EDEM3: variants seen among roughly 807,000 people sequenced by gnomAD.
EDEM3 encodes ER degradation-enhancing alpha-mannosidase-like protein 3.
A neutral mutation model predicts 110.2 loss-of-function variants in EDEM3; 60 were observed. That is an observed-to-expected ratio of 0.54 (90% CI 0.44 to 0.67). EDEM3 has a LOEUF of 0.67. EDEM3 is among the 30% of genes least tolerant of loss of function. The pLI is 0.00. For synonymous variants in EDEM3, 352 were observed against 382.9 expected, an observed-to-expected ratio of 0.92 and a Z score of 0.94; for missense variants, 996 against 1,121.0, an observed-to-expected ratio of 0.89 and a Z score of 1.59.
At chr1:184,735,817 A>G (rs1236280538) in intron 4 of EDEM3, among the ~76,000 whole-genome samples, 1 of 151,714 alleles carries the variant, frequency 6.6e-6, no homozygotes, top group Non-Finnish European at 1.5e-5. Context: ...CACTATCCCC[A>G]CCCTCCATAC....
chr1:184,721,288 C>T lies in EDEM3; in HGVS notation c.951+1G>A, dbSNP rs1439798811. On this transcript the variant is annotated splice_donor_variant, in intron 9 of 19. Coordinates refer to ENST00000318130, the MANE Select transcript of EDEM3 (RefSeq NM_025191.4). LOFTEE classifies it high-confidence loss of function. ...TAAAATATAAAATTGTATCAACTTA[C>T]TGTGTTAAATCTTTCCAGAAAACTG... 1 of 1,592,442 alleles carries T rather than the reference C, an allele frequency of 6.3e-7. No homozygotes were observed.
At chr1:184,701,545 C>T (rs1284307887) in intron 19 of EDEM3, 1 of 1,280,134 alleles carries the variant, frequency 7.8e-7, no homozygotes, top group Admixed American at 2.4e-5. Flanking sequence ...AATATTGCTG[C>T]TGAAATTCCA....
intron 9 of EDEM3, 57 bp from the exon 10 acceptor site, chr1:184,719,625 A>G (rs976342783): frequency 8.3e-6 from 13 of 1,564,900 alleles, no homozygotes; most frequent in Middle Eastern, 1.7e-4. Flanking sequence ...GTACTACTCT[A>G]AACACATTAA....
At chr1:184,700,979 A>G (rs1479758578) in intron 19 of EDEM3, among the ~76,000 whole-genome samples, 1 of 152,054 alleles carries the variant, frequency 6.6e-6, no homozygotes, top group East Asian at 1.9e-4. Flanking sequence ...TATAGACTAA[A>G]GTTTTCAAAA....
Position 184,710,149 on chromosome 1 carries a change from A to G in EDEM3, c.1845+245T>C, listed in dbSNP as rs139049818. ...CAGAAAACTTAGATTTGAGTCCTGC[A>G]TTTGATTATATTAACTTCAGCAAAT... On this transcript the variant is annotated intron_variant, in intron 16 of 19. Transcript: ENST00000318130. Among the ~76,000 whole-genome samples, 430 of 152,300 alleles carry G rather than the reference A, an allele frequency of 2.8e-3. 5 individuals carry two copies. In the East Asian group the frequency reaches 0.035, roughly 12 times the overall value.
At chr1:184,696,070 T>G (rs1219436192) in intron 19 of EDEM3, among the ~76,000 whole-genome samples, 2 of 151,908 alleles carry the variant, frequency 1.3e-5, no homozygotes, top group Non-Finnish European at 2.9e-5. Flanking sequence ...GAAGCTTCTT[T>G]CCAAATGAAA....
intron 2 of EDEM3, 128 bp from the exon 3 acceptor site, chr1:184,737,839 G>A (rs944834963): frequency 1.3e-5 from 10 of 750,222 alleles, no homozygotes; most frequent in Middle Eastern, 4.0e-4. Flanking sequence ...TACACCCTGT[G>A]GAATCTTTTC....
chr1:184,754,815 A>G lies in EDEM3; in HGVS notation c.-169T>C, dbSNP rs759845223. ...TCCCGAAGCCACCAAGCCGGTCCCC[A>G]GCGCCAGCGCTGCCACCGCCCTCCG... On this transcript the variant is annotated 5_prime_UTR_variant, in exon 1 of 20. Coordinates refer to ENST00000318130, the MANE Select transcript of EDEM3 (RefSeq NM_025191.4). 1 of 1,138,942 alleles carries G rather than the reference A, an allele frequency of 8.8e-7. No individual in the cohort carries two copies. Among genetic ancestry groups the G allele is most frequent in the African/African-American group, 1.7e-5 (1 of 60,604 alleles). The allele number at this position is 1,138,942 out of a possible 1,614,324, so 70.6% of individuals were successfully genotyped here.
chr1:184,725,516 C>G (rs1196464730), intron 7 of EDEM3, among the ~76,000 whole-genome samples: 1 of 151,878 alleles, frequency 6.6e-6, no homozygotes, highest in Admixed American at 6.6e-5. Flanking sequence ...AACATACAGA[C>G]ATACATTCAA....
chr1:184,735,562 TTTG>T (rs1187751826), intron 4 of EDEM3, among the ~76,000 whole-genome samples: 1 of 152,224 alleles, frequency 6.6e-6, no homozygotes, highest in East Asian at 1.9e-4. Context: ...TTGATAATAA[TTTG>T]TTGTGCTTTT....
rs1250481306 is a variant in EDEM3 at position 184,723,730 on chromosome 1, TA to T, written c.853+20del. 1.3e-6 allele frequency: 2 copies of T among 1,546,710 alleles called. No individual in the cohort carries two copies. Among genetic ancestry groups the T allele is most frequent in the South Asian group, 2.4e-5 (2 of 83,928 alleles). On this transcript the variant is annotated intron_variant, in intron 8 of 19. Transcript: ENST00000318130. Reference sequence around the variant, plus strand: ...ATTTTGAGGATGCAAAGGCTTGATTTAAAAAGCCTAACTTACATACCTTTTC... The same window carrying T: ...ATTTTGAGGATGCAAAGGCTTGATTTAAAAGCCTAACTTACATACCTTTTC...
At chr1:184,703,411 T>C (rs1032819192) in intron 18 of EDEM3, among the ~76,000 whole-genome samples, 1 of 152,222 alleles carries the variant, frequency 6.6e-6, no homozygotes, top group African/African-American at 2.4e-5. Context: ...GATAGAACTA[T>C]GAATGAATTT....
intron 11 of EDEM3, 44 bp downstream of exon 11, chr1:184,719,118 G>A (rs1650725962): frequency 3.6e-6 from 4 of 1,112,430 alleles, no homozygotes; most frequent in Non-Finnish European, 3.9e-6. Flanking sequence ...GTGTGTGTGT[G>A]TGTTTGTGTG....
chr1:184,734,698 G>A lies in EDEM3; in HGVS notation c.346-55C>T, dbSNP rs747069404. The A allele has an allele frequency of 7.4e-5, 45 of 610,642 alleles. No homozygotes were observed. The Middle Eastern group carries it at 8.7e-4, about 12-fold the overall frequency. The allele number at this position is 610,642 out of a possible 1,614,324, so 37.8% of individuals were successfully genotyped here. A position where few individuals can be genotyped will look rare whatever the true frequency, so the allele number is the denominator to read the frequency against. On this transcript the variant is annotated intron_variant, in intron 4 of 19. Coordinates refer to ENST00000318130, the MANE Select transcript of EDEM3 (RefSeq NM_025191.4). Reference sequence around the variant, plus strand: ...CTTTTCTACCAAGACAAGGAGAAACGTTCCTAGAATGAGCTATTAAAAGTC... The same window carrying A: ...CTTTTCTACCAAGACAAGGAGAAACATTCCTAGAATGAGCTATTAAAAGTC...
chr1:184,712,550 T>C lies in EDEM3; in HGVS notation c.1419A>G (p.Leu473=), dbSNP rs370286061. 2.0e-4 allele frequency: 321 copies of C among 1,584,446 alleles called. No individual in the cohort carries two copies. Among genetic ancestry groups the C allele is most frequent in the Non-Finnish European group, 2.7e-4 (311 of 1,161,998 alleles). Residue 473 remains leucine, a synonymous_variant, in exon 14 of 20, where the codon TTA becomes TTG. Coordinates refer to ENST00000318130, the MANE Select transcript of EDEM3 (RefSeq NM_025191.4). ...AAATAATGTCTTCTTTATCAGCAAATAACAGGTAAAGATATTTAAACATTT... is the reference window on the plus strand; with the variant it reads ...AAATAATGTCTTCTTTATCAGCAAACAACAGGTAAAGATATTTAAACATTT... ...LAEMFKYLYL[L]FADKEDIIFD... is the part of the protein sequence containing the mutation.
intron 7 of EDEM3, among the ~76,000 whole-genome samples, chr1:184,725,738 G>A (rs961685869): frequency 6.6e-6 from 1 of 151,808 alleles, no homozygotes; most frequent in African/African-American, 2.4e-5. Context: ...TTTAATGAGA[G>A]ACATAGCTAG....
Position 184,690,441 on chromosome 1 carries a change from A to G in EDEM3, c.*3622T>C, listed in dbSNP as rs1364884617. 1 of 152,574 alleles carries G rather than the reference A, an allele frequency of 6.6e-6. No homozygotes were observed. The highest frequency in any genetic ancestry group is 1.5e-5 in the Non-Finnish European group (1 of 68,022). 9.5% of individuals were successfully genotyped at this position (152,574 alleles called of 1,614,324 possible). ...AAAAAAGGAAAACAGAGTGATAAAC[A>G]TCAAGACATAAAAGTATGAGGATAT... On this transcript the variant is annotated 3_prime_UTR_variant, in exon 20 of 20. Coordinates refer to ENST00000318130, the MANE Select transcript of EDEM3 (RefSeq NM_025191.4).
At chr1:184,719,712 G>T in intron 9 of EDEM3, 144 bp from the exon 10 acceptor site, 1 of 831,180 alleles carries the variant, frequency 1.2e-6, no homozygotes, top group South Asian at 2.5e-5. Flanking sequence ...AAATATTTAA[G>T]TTATTTTAGA....
Position 184,742,365 on chromosome 1 carries a change from A to G in EDEM3, c.205-4654T>C, listed in dbSNP as rs79600548. Among the ~76,000 whole-genome samples, 436 of 152,276 alleles carry G rather than the reference A, an allele frequency of 2.9e-3. 5 individuals carry two copies. In the East Asian group the frequency reaches 0.036, roughly 12 times the overall value. On this transcript the variant is annotated intron_variant, in intron 2 of 19. Transcript: ENST00000318130. ...CTGAGTTCAATACCATGTAATTTTA[A>G]TATTATATATAATATTTCAGCATAA...
Sources: gnomAD v4.1 joint callset for allele counts (sites outside exome capture counted in the v4.1 genomes callset) on GRCh38, gnomAD v4.1.1 for gene constraint, MANE v1.5 for transcripts, NCBI Gene and HGNC (gene_info 2026-07-23, HGNC 2026-07-21) for gene names.